The following CDH4 variants were observed in gnomAD, a reference collection of about 807,000 sequenced individuals.
CDH4 encodes cadherin 4.
A neutral mutation model predicts 86.0 loss-of-function variants in CDH4; 33 were observed. The ratio of observed to expected loss-of-function variants is 0.38; its 90% CI spans 0.29 to 0.51. The LOEUF is 0.51. CDH4 is among the 20% of genes least tolerant of loss of function. The pLI is 0.86. For missense variants in CDH4, 1,114 were observed against 1,307.4 expected, an observed-to-expected ratio of 0.85 and a Z score of 2.28; for synonymous variants, 555 against 549.4, an observed-to-expected ratio of 1.01 and a Z score of -0.14.
rs146384057 is a variant in CDH4, at chr20:61,584,116, C to T, written c.170-159447C>T. Among the ~76,000 whole-genome samples the T allele has an allele frequency of 3.1e-3, 465 of 152,312 alleles. 3 individuals carry two copies. Among genetic ancestry groups the T allele is most frequent in the African/African-American group, 0.011 (445 of 41,564 alleles). ...CAGAGGTTGCAGTGAACCAAGATCA[C>T]GCCACTGCACTTCAGCCTGGATGAA... On this transcript the variant is annotated intron_variant, in intron 2 of 15. Transcript: ENST00000614565.
rs2054741773 is a variant in CDH4, at chr20:61,902,849, G to C, written c.1189-7573G>C. ...GCCTCGTCACCACCTGTCTCAGAGA[G>C]CTGATTAAAAATCTCACACCACACA... On this transcript the variant is annotated intron_variant, in intron 8 of 15. Transcript: ENST00000614565. This position sits in a 1 kb window ranked among gnomAD's most constrained non-coding sequence, Gnocchi z 4.6. 1.3e-5 allele frequency among the ~76,000 whole-genome samples: 2 copies of C among 152,046 alleles called. No homozygotes were observed. The highest frequency in any genetic ancestry group is 4.8e-5 in the African/African-American group (2 of 41,394).
At chr20:61,753,044 C>T (rs2088518925) in intron 3 of CDH4, among the ~76,000 whole-genome samples, 1 of 152,114 alleles carries the variant, frequency 6.6e-6, no homozygotes, top group South Asian at 2.1e-4. Flanking sequence ...CAGAGGGCTA[C>T]CTAACTGTGT....
In CDH4 at chr20:61,816,626, G is replaced by A. The variant is rs377734686; in HGVS notation, c.577-28042G>A. ...GTGAGTGGCTGGGGAGGGCTCAGAAGCCACCCTAAGGCAGGCGGGCATTGG... is the reference window on the plus strand; with the variant it reads ...GTGAGTGGCTGGGGAGGGCTCAGAAACCACCCTAAGGCAGGCGGGCATTGG... On this transcript the variant is annotated intron_variant, in intron 4 of 15. Coordinates refer to ENST00000614565, the MANE Select transcript of CDH4 (RefSeq NM_001794.5). Among the ~76,000 whole-genome samples, 20 of 151,828 alleles carry A rather than the reference G, an allele frequency of 1.3e-4. No homozygotes were observed. In the South Asian group the frequency reaches 3.3e-3, roughly 25 times the overall value.
At chr20:61,638,656 C>A (rs6089446) in intron 2 of CDH4, among the ~76,000 whole-genome samples, 1 of 152,134 alleles carries the variant, frequency 6.6e-6, no homozygotes. Flanking sequence ...ACAATGTGCA[C>A]GTAAACCTTT....
At chr20:61,331,631 C>CCCCGGCCACCTGT in intron 2 of CDH4, among the ~76,000 whole-genome samples, 1 of 95,458 alleles carries the variant, frequency 1.0e-5, no homozygotes, top group Non-Finnish European at 2.4e-5. Context: ...CCACCTCCTG[C>CCCCGGCCACCTGT]CCCAGACCCA....
chr20:61,927,887 C>T (rs2055062044), intron 11 of CDH4, among the ~76,000 whole-genome samples: 1 of 151,544 alleles, frequency 6.6e-6, no homozygotes, highest in Non-Finnish European at 1.5e-5. Flanking sequence ...TGGCTGTGTG[C>T]GTGTGTGCAG....
At chr20:61,268,587 G>A (rs2084168707) in intron 2 of CDH4, among the ~76,000 whole-genome samples, 1 of 152,196 alleles carries the variant, frequency 6.6e-6, no homozygotes, top group South Asian at 2.1e-4. Context: ...AGGTGGGCCT[G>A]GTGAGTGTTC....
chr20:61,636,446 A>G (rs1320389258), intron 2 of CDH4, among the ~76,000 whole-genome samples: 1 of 152,276 alleles, frequency 6.6e-6, no homozygotes, highest in Non-Finnish European at 1.5e-5. Flanking sequence ...TGATTTTTAA[A>G]TGAGGATCTT....
At chr20:61,537,143 A>G (rs6061619) in intron 2 of CDH4, among the ~76,000 whole-genome samples, 50,757 of 152,182 alleles carry the variant, frequency 0.33, 14,168 homozygotes, top group African/African-American at 0.76. Flanking sequence ...TGAGGTCTAC[A>G]TCATTGCTTT....
intron 2 of CDH4, among the ~76,000 whole-genome samples, chr20:61,261,059 C>A (rs2123120771): frequency 6.6e-6 from 1 of 152,322 alleles, no homozygotes; most frequent in African/African-American, 2.4e-5. Flanking sequence ...CCCCTGTGTG[C>A]AGCTGCTTCT....
At chr20:61,293,204 T>C (rs1226266727) in intron 2 of CDH4, among the ~76,000 whole-genome samples, 1 of 152,136 alleles carries the variant, frequency 6.6e-6, no homozygotes, top group Non-Finnish European at 1.5e-5. Flanking sequence ...GGACTTGGCC[T>C]GCGGGTTCTA....
In CDH4 at chr20:61,681,316, C is replaced by G. The variant is rs147747276; in HGVS notation, c.170-62247C>G. Among the ~76,000 whole-genome samples, 1 of 152,114 alleles carries G rather than the reference C, an allele frequency of 6.6e-6. No homozygotes were observed. The highest frequency in any genetic ancestry group is 1.5e-5 in the Non-Finnish European group (1 of 68,032). On this transcript the variant is annotated intron_variant, in intron 2 of 15. Transcript: ENST00000614565. The surrounding 1 kb of genome is among the most constrained non-coding windows in gnomAD (Gnocchi z 4.5). ...CTTGGTATGAATTTTCTCTTTTGTC[C>G]AAATCATACAAAATACTCTTTCTAA...
At chr20:61,307,328 C>T (rs981119401) in intron 2 of CDH4, among the ~76,000 whole-genome samples, 49 of 152,082 alleles carry the variant, frequency 3.2e-4, no homozygotes, top group African/African-American at 1.1e-3. Context: ...TGCTCCAACA[C>T]GCCTTGCATG....
chr20:61,754,344 C>T lies in CDH4; in HGVS notation c.396+10555C>T, dbSNP rs1472381006. Among the ~76,000 whole-genome samples, 2 of 152,134 alleles carry T rather than the reference C, an allele frequency of 1.3e-5. No individual in the cohort carries two copies. Among genetic ancestry groups the T allele is most frequent in the Non-Finnish European group, 2.9e-5 (2 of 68,002 alleles). Reference sequence around the variant, plus strand: ...GAGGAGTGTCCCCAGCCAGGGGTCCCGCCCAGGGCTCCAAATACCCCTGAA... The same window carrying T: ...GAGGAGTGTCCCCAGCCAGGGGTCCTGCCCAGGGCTCCAAATACCCCTGAA... On this transcript the variant is annotated intron_variant, in intron 3 of 15. Coordinates refer to ENST00000614565, the MANE Select transcript of CDH4 (RefSeq NM_001794.5). The surrounding 1 kb of genome is among the most constrained non-coding windows in gnomAD (Gnocchi z 4.7).
chr20:61,527,190 C>T (rs6121424), intron 2 of CDH4, among the ~76,000 whole-genome samples: 18,284 of 152,288 alleles, frequency 0.12, 1,414 homozygotes, highest in East Asian at 0.32. Context: ...GCCCAGGCGC[C>T]CCTGGCACCC....
intron 2 of CDH4, among the ~76,000 whole-genome samples, chr20:61,277,182 G>C (rs2084235641): frequency 6.6e-6 from 1 of 152,174 alleles, no homozygotes; most frequent in African/African-American, 2.4e-5. Flanking sequence ...ATCTTCCAGG[G>C]CTTCTGAATT....
intron 2 of CDH4, among the ~76,000 whole-genome samples, chr20:61,586,887 T>C (rs1337884372): frequency 6.6e-6 from 1 of 152,156 alleles, no homozygotes; most frequent in Non-Finnish European, 1.5e-5. Flanking sequence ...AATTTATCAT[T>C]CCATAAACAT....
At chr20:61,753,236 C>T (rs1389488711) in intron 3 of CDH4, among the ~76,000 whole-genome samples, 1 of 152,108 alleles carries the variant, frequency 6.6e-6, no homozygotes, top group Non-Finnish European at 1.5e-5. Context: ...CATGGGGACC[C>T]CTAATTTCCT....
At chr20:61,929,498 G>A (rs1449901190) in intron 12 of CDH4, 111 bp from the exon 13 acceptor site, 5 of 738,664 alleles carry the variant, frequency 6.8e-6, no homozygotes, top group Admixed American at 2.1e-5. Context: ...TGGTAACCAG[G>A]CAGCCATTTC....
Sources: allele counts gnomAD v4.1 joint callset (sites outside exome capture counted in the v4.1 genomes callset), GRCh38; gene constraint gnomAD v4.1.1; non-coding constraint Gnocchi (gnomAD v3.1); transcripts MANE v1.5; gene names NCBI Gene and HGNC (gene_info 2026-07-23, HGNC 2026-07-21).